HEG1: variants seen among roughly 807,000 people sequenced by gnomAD.
HEG1 encodes protein HEG homolog 1.
A neutral mutation model predicts 125.6 loss-of-function variants in HEG1; 56 were observed. That is an observed-to-expected ratio of 0.45 (90% confidence interval 0.36 to 0.56). The LOEUF (loss-of-function observed/expected upper bound fraction) is 0.56, where lower values mean the gene tolerates loss of function less well. HEG1 is among the 20% of genes least tolerant of loss of function. The probability of loss-of-function intolerance (pLI) is 0.00; values close to 1 mark genes in which losing one functional copy is unlikely to be tolerated. For missense variants in HEG1, 1,523 were observed against 1,670.0 expected (o/e 0.91, Z 1.53); for synonymous variants, 644 against 668.5 (o/e 0.96, Z 0.57).
chr3:125,054,835 A>G (rs1937894461), intron 1 of HEG1, among the ~76,000 whole-genome samples: 1 of 152,250 alleles, frequency 6.6e-6, no homozygotes, highest in Non-Finnish European at 1.5e-5. Context: ...TATTATGGTT[A>G]GAATTCCACT....
chr3:125,005,745 C>T (rs965899648), intron 8 of HEG1, among the ~76,000 whole-genome samples: 1 of 152,136 alleles, frequency 6.6e-6, no homozygotes, highest in Non-Finnish European at 1.5e-5. Context: ...ACAATGTCAT[C>T]CTAGGAGGAG....
At chr3:125,040,092 T>G (rs1046592222) in intron 1 of HEG1, among the ~76,000 whole-genome samples, 2 of 152,004 alleles carry the variant, frequency 1.3e-5, no homozygotes, top group Non-Finnish European at 2.9e-5. Flanking sequence ...AGAGAAAGAG[T>G]GGAGCCATAA....
intron 4 of HEG1, among the ~76,000 whole-genome samples, chr3:125,020,431 CA>C (rs1937317648): frequency 6.6e-6 from 1 of 151,980 alleles, no homozygotes; most frequent in Non-Finnish European, 1.5e-5. Flanking sequence ...GTCTTCAAAA[CA>C]AAATAAAACA....
At chr3:125,014,994 T>C in intron 5 of HEG1, 2 of 1,252,318 alleles carry the variant, frequency 1.6e-6, no homozygotes, top group Non-Finnish European at 2.1e-6. Context: ...TTGGCCTGGC[T>C]CTCGGCTGTC....
At chr3:125,048,431 G>A (rs961572713) in intron 1 of HEG1, among the ~76,000 whole-genome samples, 3 of 152,208 alleles carry the variant, frequency 2.0e-5, no homozygotes, top group African/African-American at 7.2e-5. Flanking sequence ...CTGAGACAAG[G>A]CAAGCTGGGT....
At chr3:124,977,314 T>A (rs1936564486) in intron 15 of HEG1, among the ~76,000 whole-genome samples, 1 of 152,226 alleles carries the variant, frequency 6.6e-6, no homozygotes, top group Non-Finnish European at 1.5e-5. Context: ...ATACCCAGCC[T>A]CAGGTATTCC....
chr3:125,022,789 C>T (rs954009739), intron 3 of HEG1, among the ~76,000 whole-genome samples: 1 of 152,116 alleles, frequency 6.6e-6, no homozygotes, highest in Non-Finnish European at 1.5e-5. Context: ...TCATTAGAGT[C>T]ATCATTTATA....
At chr3:125,008,051 A>G (rs764898313) in intron 8 of HEG1, among the ~76,000 whole-genome samples, 19 of 152,148 alleles carry the variant, frequency 1.2e-4, no homozygotes, top group Non-Finnish European at 2.5e-4. Context: ...CTAGGACCAC[A>G]GGTGTGTGCC....
At chr3:124,977,253 G>C (rs1936563929) in intron 15 of HEG1, among the ~76,000 whole-genome samples, 1 of 152,174 alleles carries the variant, frequency 6.6e-6, no homozygotes, top group South Asian at 2.1e-4. Flanking sequence ...TTATTTTGCA[G>C]ATTGCTCAGT....
Position 124,970,634 on chromosome 3 carries a change from TC to T in HEG1, c.*17del. On this transcript the variant is annotated 3_prime_UTR_variant, in exon 17 of 17. Transcript: ENST00000311127. The stretch of plus-strand genomic sequence containing the variant: ...CAGGTGACTGGCTCAGAGCAATGAG[TC>T]CCTCTCTCTCCTGGACTTAAAAGTA... 6.3e-7 allele frequency: 1 copy of T among 1,584,678 alleles called. No individual in the cohort carries two copies. The highest frequency in any genetic ancestry group is 8.6e-7 in the Non-Finnish European group (1 of 1,164,590).
rs1936845766 is a variant in HEG1 at position 124,992,197 on chromosome 3, C to T, written c.3653-1211G>A. Reference sequence around the variant, plus strand: ...GATTTCGGACATATCTAGATGTGTGCTAATCGGCACCTTGCCCAAGAACAG... The same window carrying T: ...GATTTCGGACATATCTAGATGTGTGTTAATCGGCACCTTGCCCAAGAACAG... On this transcript the variant is annotated intron_variant, in intron 12 of 16. Transcript: ENST00000311127. 2.0e-5 allele frequency among the ~76,000 whole-genome samples: 3 copies of T among 152,164 alleles called. No individual in the cohort carries two copies. In the South Asian group the frequency reaches 6.2e-4, roughly 32 times the overall value.
rs571488712 is a variant in HEG1, at chr3:124,987,757, T to A, written c.3733+3030A>T. On this transcript the variant is annotated intron_variant, in intron 14 of 16. Transcript: ENST00000311127. ...GGACGGTCTCAATCTCCTGACCTCG[T>A]GATCCGCCCGCCTCGGCCTCCCAAA... is the stretch of plus-strand genomic sequence containing the variant. 4.6e-5 allele frequency among the ~76,000 whole-genome samples: 7 copies of A among 150,998 alleles called. No homozygotes were observed. In the South Asian group the frequency reaches 1.5e-3, roughly 32 times the overall value.
In HEG1 at chr3:125,002,002, C is replaced by T. The variant is rs1040631713; in HGVS notation, c.3367G>A (p.Ala1123Thr). ...STVHASRESN[A>T]VVISLQTTFS... ...GTTGTTTGCAGTGAGATCACCACCG[C>T]GTTGGACTCCCTATAGGCAAAGTTT... The change falls in exon 11 of 17, where the codon GCG (alanine) becomes ACG (threonine). Residue 1123 changes from alanine (A) to threonine (T), a missense_variant. Coordinates refer to ENST00000311127, the MANE Select transcript of HEG1 (RefSeq NM_020733.2). 1.2e-5 allele frequency: 20 copies of T among 1,613,810 alleles called. No homozygotes were observed. The highest frequency in any genetic ancestry group is 5.5e-5 in the South Asian group (5 of 91,048).
chr3:125,055,566 C>T lies in HEG1; in HGVS notation c.316+9G>A. 2.9e-5 allele frequency: 35 copies of T among 1,204,292 alleles called. No homozygotes were observed. The highest frequency in any genetic ancestry group is 3.4e-5 in the Non-Finnish European group (33 of 969,728). 74.6% of individuals were successfully genotyped at this position (1,204,292 alleles called of 1,614,324 possible). On this transcript the variant is annotated intron_variant, in intron 1 of 16. Transcript: ENST00000311127. Reference sequence around the variant, plus strand: ...CTGGCCAGGCGCCAGGTTCCCGGCTCTCACTCACCCGCGCTCCCGCCTCTG... The same window carrying T: ...CTGGCCAGGCGCCAGGTTCCCGGCTTTCACTCACCCGCGCTCCCGCCTCTG...
At chr3:125,037,844 T>C (rs750354894) in intron 1 of HEG1, among the ~76,000 whole-genome samples, 1 of 152,232 alleles carries the variant, frequency 6.6e-6, no homozygotes, top group Non-Finnish European at 1.5e-5. Context: ...TGGCTCCACC[T>C]CTTTCATACC....
At chr3:124,989,150 G>A (rs1030515936) in intron 14 of HEG1, among the ~76,000 whole-genome samples, 3 of 152,286 alleles carry the variant, frequency 2.0e-5, no homozygotes, top group East Asian at 3.9e-4. Context: ...CATGCTGGGT[G>A]CACCAAGAGA....
intron 14 of HEG1, among the ~76,000 whole-genome samples, 198 bp from the exon 15 acceptor site, chr3:124,978,144 G>T (rs1322939022): frequency 6.6e-6 from 1 of 151,604 alleles, no homozygotes; most frequent in African/African-American, 2.4e-5. Flanking sequence ...GTTTTTTGTT[G>T]TTGTTGTTGT....
intron 2 of HEG1, 90 bp downstream of exon 2, chr3:125,029,105 C>T: frequency 1.4e-6 from 2 of 1,409,348 alleles, no homozygotes; most frequent in Non-Finnish European, 9.6e-7. Context: ...GGCACAATGG[C>T]TCAGAATGGG....
At chr3:125,009,407 A>G (rs929612767) in intron 8 of HEG1, 1 of 186,584 alleles carries the variant, frequency 5.4e-6, no homozygotes, top group Non-Finnish European at 1.1e-5. Context: ...TGCCGTCATT[A>G]AGATGTTTGT....
Sources: gnomAD v4.1 joint callset for allele counts (sites outside exome capture counted in the v4.1 genomes callset) on GRCh38, gnomAD v4.1.1 for gene constraint, MANE v1.5 for transcripts, NCBI Gene and HGNC (gene_info 2026-07-23, HGNC 2026-07-21) for gene names.